USP22: variants seen among roughly 807,000 people sequenced by gnomAD.
USP22 encodes ubiquitin specific peptidase 22, also known as ubiquitin carboxyl-terminal hydrolase 22.
In USP22, 22 loss-of-function variants were observed where a neutral mutation model predicts 68.1. The ratio of observed to expected loss-of-function variants is 0.32; its 90% confidence interval spans 0.23 to 0.46. The LOEUF (loss-of-function observed/expected upper bound fraction) is 0.46. USP22 is among the 20% of genes least tolerant of loss of function. The probability of loss-of-function intolerance (pLI) is 1.00; values close to 1 mark genes in which losing one functional copy is unlikely to be tolerated. For synonymous variants in USP22, 279 were observed against 274.2 expected, an observed-to-expected ratio of 1.02 and a Z score of -0.17; for missense variants, 433 against 695.8, an observed-to-expected ratio of 0.62 and a Z score of 4.25.
intron 2 of USP22, among the ~76,000 whole-genome samples, chr17:21,023,302 A>G: frequency 6.6e-6 from 1 of 152,204 alleles, no homozygotes; most frequent in Non-Finnish European, 1.5e-5. Flanking sequence ...ACGTTTATAT[A>G]ACAAACCTGC....
chr17:21,011,845 A>G (rs1314647714), intron 7 of USP22, among the ~76,000 whole-genome samples: 2 of 152,204 alleles, frequency 1.3e-5, no homozygotes, highest in African/African-American at 2.4e-5. Context: ...TTTACTCTCG[A>G]TATTTATACA....
intron 8 of USP22, among the ~76,000 whole-genome samples, chr17:21,008,538 G>T (rs1305531947): frequency 6.6e-6 from 1 of 152,198 alleles, no homozygotes; most frequent in African/African-American, 2.4e-5. Context: ...ATATCATTCA[G>T]TTGACATGAC....
Position 21,000,783 on chromosome 17 carries a change from CCAGGTGCGGTGGCT to C in USP22, c.*2234_*2247del, listed in dbSNP as rs1913542251. On this transcript the variant is annotated 3_prime_UTR_variant, in exon 13 of 13. Coordinates refer to ENST00000261497, the MANE Select transcript of USP22 (RefSeq NM_015276.2). ...TCCTAATTAAAAGACCACTCATAGG[CCAGGTGCGGTGGCT>C]CACGCCTATAATCCCAGCACTTTGG... 1 of 152,282 alleles carries C rather than the reference CCAGGTGCGGTGGCT, an allele frequency of 6.6e-6. No homozygotes were observed. The highest frequency in any genetic ancestry group is 2.1e-4 in the South Asian group (1 of 4,834). The allele number at this position is 152,282 out of a possible 1,614,324, so 9.4% of individuals were successfully genotyped here.
At chr17:21,015,674 T>C in intron 6 of USP22, 78 bp downstream of exon 6, 1 of 1,499,010 alleles carries the variant, frequency 6.7e-7, no homozygotes, top group African/African-American at 1.4e-5. Context: ...TTTGCACGAG[T>C]GCATACACTC....
At chr17:21,042,404 G>A (rs1232153782) in intron 1 of USP22, 15 of 268,250 alleles carry the variant, frequency 5.6e-5, no homozygotes, top group African/African-American at 1.3e-4. Context: ...AGAGAGGAGG[G>A]GGAGGGAAAG....
At chr17:21,035,963 G>A (rs954597788) in intron 1 of USP22, among the ~76,000 whole-genome samples, 3 of 148,144 alleles carry the variant, frequency 2.0e-5, no homozygotes, top group African/African-American at 5.0e-5. Context: ...CCCAGGAGGC[G>A]GAGCTTGCAG....
At chr17:21,008,148 A>T in intron 8 of USP22, 152 bp from the exon 9 acceptor site, 1 of 1,035,300 alleles carries the variant, frequency 9.7e-7, no homozygotes, top group Non-Finnish European at 1.3e-6. Context: ...AAAAAGAGAA[A>T]ATGTTGTCCA....
At chr17:21,035,692 G>A (rs1346198269) in intron 1 of USP22, among the ~76,000 whole-genome samples, 2 of 152,128 alleles carry the variant, frequency 1.3e-5, no homozygotes, top group African/African-American at 4.8e-5. Context: ...AAACTTAAAC[G>A]ACTTACCAGT....
intron 2 of USP22, among the ~76,000 whole-genome samples, chr17:21,026,290 T>G (rs531411040): frequency 3.3e-5 from 5 of 152,338 alleles, no homozygotes; most frequent in African/African-American, 1.2e-4. Context: ...AAACACATCA[T>G]AGAAGATACA....
chr17:21,008,482 A>G (rs1174796208), intron 8 of USP22, among the ~76,000 whole-genome samples: 12 of 152,214 alleles, frequency 7.9e-5, no homozygotes, highest in Non-Finnish European at 1.5e-5. Context: ...ATGCGTCCCC[A>G]GAGAATTAGG....
chr17:21,029,618 A>T (rs924538614), intron 1 of USP22, among the ~76,000 whole-genome samples: 3 of 152,256 alleles, frequency 2.0e-5, no homozygotes, highest in Admixed American at 2.0e-4. Flanking sequence ...CAACTGTGAA[A>T]ATAGTAGAAA....
Position 21,007,989 on chromosome 17 carries a change from T to G in USP22, c.1111A>C (p.Arg371=), listed in dbSNP as rs146371366. Residue 371 remains arginine (R), a synonymous_variant, in exon 9 of 13, where the codon AGA becomes CGA. Transcript: ENST00000261497. ...TLTDCLRRFT[R]PEHLGSSAKI... The stretch of plus-strand genomic sequence containing the variant: ...GCGCTGCTGCCCAAGTGCTCTGGTC[T>G]GGTGAATCTACAGGCGTTCAAAAAA... The G allele has an allele frequency of 2.4e-5, 39 of 1,614,018 alleles. No individual in the cohort carries two copies. In the Admixed American group the frequency reaches 6.3e-4, roughly 26 times the overall value.
chr17:21,024,364 G>A lies in USP22; in HGVS notation c.305-3138C>T, dbSNP rs9915406. On this transcript the variant is annotated intron_variant, in intron 2 of 12. Transcript: ENST00000261497. ...GCCTATGTAAATCCTTCTAGATTTAGGCCTTCTTTAAGACGCCTTCACACT... is the reference window on the plus strand; with the variant it reads ...GCCTATGTAAATCCTTCTAGATTTAAGCCTTCTTTAAGACGCCTTCACACT... Among the ~76,000 whole-genome samples, 610 of 152,274 alleles carry A rather than the reference G, an allele frequency of 4.0e-3. 4 individuals are homozygous for A. Among genetic ancestry groups the A allele is most frequent in the African/African-American group, 0.014 (592 of 41,542 alleles).
chr17:21,027,665 C>A (rs139496980), intron 2 of USP22, among the ~76,000 whole-genome samples: 2 of 152,094 alleles, frequency 1.3e-5, no homozygotes, highest in Non-Finnish European at 2.9e-5. Flanking sequence ...AGTTAATGCA[C>A]GAAGTCAGAA....
chr17:21,002,650 T>A lies in USP22; in HGVS notation c.*381A>T, dbSNP rs139080419. The A allele has an allele frequency of 3.5e-6, 1 of 284,630 alleles. No homozygotes were observed. Among genetic ancestry groups the A allele is most frequent in the Non-Finnish European group, 6.9e-6 (1 of 143,926 alleles). 17.6% of individuals were successfully genotyped at this position (284,630 alleles called of 1,614,324 possible). On this transcript the variant is annotated 3_prime_UTR_variant, in exon 13 of 13. Transcript: ENST00000261497. The stretch of plus-strand genomic sequence containing the variant: ...CCAGCTTACTGCTTTCATGGACCCA[T>A]AATCTTACAGCAGGTAGGGGCCTTT...
chr17:21,022,219 T>C (rs1972165468), intron 2 of USP22, among the ~76,000 whole-genome samples: 1 of 152,228 alleles, frequency 6.6e-6, no homozygotes, highest in African/African-American at 2.4e-5. Flanking sequence ...AAGAAACTGT[T>C]CACAGTCGTT....
intron 2 of USP22, among the ~76,000 whole-genome samples, chr17:21,021,528 T>C (rs1050599050): frequency 1.3e-5 from 2 of 152,246 alleles, no homozygotes; most frequent in South Asian, 2.1e-4. Context: ...TCTGAATGCG[T>C]GGTATTTAAA....
At chr17:21,009,091 C>CAAAA (rs56665164) in intron 8 of USP22, among the ~76,000 whole-genome samples, 5 of 91,906 alleles carry the variant, frequency 5.4e-5, no homozygotes, top group African/African-American at 1.3e-4. Context: ...GACTCCATTT[C>CAAAA]AAAAAAAAAA....
intron 3 of USP22, among the ~76,000 whole-genome samples, chr17:21,019,455 A>G (rs1972127066): frequency 6.6e-6 from 1 of 152,264 alleles, no homozygotes; most frequent in African/African-American, 2.4e-5. Flanking sequence ...CGCCAATGCC[A>G]AAACAGTTGT....
Sources: allele counts gnomAD v4.1 joint callset (sites outside exome capture counted in the v4.1 genomes callset), GRCh38; gene constraint gnomAD v4.1.1; transcripts MANE v1.5; gene names NCBI Gene and HGNC (gene_info 2026-07-23, HGNC 2026-07-21).